Variants in NXPH1 observed in about 807,000 individuals in gnomAD.
NXPH1 encodes neurexophilin 1, also known as neurexophilin-1.
NXPH1 carries 5 observed loss-of-function variants against 23.7 expected under a neutral mutation model. The observed-to-expected ratio is 0.21, with a 90% confidence interval of 0.11 to 0.44. The LOEUF (loss-of-function observed/expected upper bound fraction) is 0.44, where lower values mean the gene tolerates loss of function less well. NXPH1 is among the 20% of genes least tolerant of loss of function. The pLI is 0.99. For synonymous variants in NXPH1, 144 were observed against 122.2 expected, an observed-to-expected ratio of 1.18 and a Z score of -1.18; for missense variants, 324 against 321.6, an observed-to-expected ratio of 1.01 and a Z score of -0.06.
chr7:8,596,102 A>T (rs567740777), intron 2 of NXPH1, among the ~76,000 whole-genome samples: 2 of 151,752 alleles, frequency 1.3e-5, no homozygotes, highest in Non-Finnish European at 2.9e-5. Context: ...TTTCCTGGGG[A>T]TTTTGCATTA....
chr7:8,438,747 C>T (rs1219605938), intron 2 of NXPH1, among the ~76,000 whole-genome samples: 1 of 152,248 alleles, frequency 6.6e-6, no homozygotes. Flanking sequence ...CACCAAGCCA[C>T]AGTTTCCTAC....
chr7:8,582,661 GT>G (rs1216861152), intron 2 of NXPH1, among the ~76,000 whole-genome samples: 1 of 152,150 alleles, frequency 6.6e-6, no homozygotes, highest in African/African-American at 2.4e-5. Context: ...TGTCTAGGGG[GT>G]TTTTATGGGC....
intron 2 of NXPH1, among the ~76,000 whole-genome samples, chr7:8,473,818 C>A (rs1222272783): frequency 6.6e-6 from 1 of 151,854 alleles, no homozygotes. Flanking sequence ...AATTTCACAG[C>A]CCAATTTGAC....
At chr7:8,471,901 C>T (rs142682308) in intron 2 of NXPH1, among the ~76,000 whole-genome samples, 64 of 151,946 alleles carry the variant, frequency 4.2e-4, no homozygotes, top group Admixed American at 1.1e-3. Flanking sequence ...ATGGTGTTTA[C>T]CATAAAGCTA....
intron 2 of NXPH1, among the ~76,000 whole-genome samples, chr7:8,646,766 C>T (rs1405320918): frequency 1.3e-5 from 2 of 152,186 alleles, no homozygotes; most frequent in African/African-American, 4.8e-5. Context: ...GGACCCCAAA[C>T]AGTCCCTCTA....
intron 2 of NXPH1, among the ~76,000 whole-genome samples, chr7:8,737,746 C>T (rs1329656301): frequency 2.0e-5 from 3 of 152,192 alleles, no homozygotes; most frequent in African/African-American, 7.2e-5. Context: ...TGTTTCCATT[C>T]TCTCTGTCAC....
intron 2 of NXPH1, among the ~76,000 whole-genome samples, chr7:8,546,313 G>C (rs1409392175): frequency 6.6e-6 from 1 of 151,410 alleles, no homozygotes; most frequent in Admixed American, 6.6e-5. Flanking sequence ...CAAATATGGA[G>C]GAAAGTATGT....
intron 2 of NXPH1, among the ~76,000 whole-genome samples, chr7:8,665,281 C>A (rs1213882718): frequency 1.3e-5 from 2 of 152,076 alleles, no homozygotes; most frequent in Non-Finnish European, 2.9e-5. Context: ...AAGGGCTGTC[C>A]TTTCCCCATT....
chr7:8,561,564 A>T (rs1818446741), intron 2 of NXPH1, among the ~76,000 whole-genome samples: 1 of 151,668 alleles, frequency 6.6e-6, no homozygotes, highest in South Asian at 2.1e-4. Flanking sequence ...CAAGATTATA[A>T]AATGGGTCGA....
intron 2 of NXPH1, among the ~76,000 whole-genome samples, chr7:8,514,307 C>G (rs930828155): frequency 6.6e-6 from 1 of 152,128 alleles, no homozygotes; most frequent in Admixed American, 6.6e-5. Flanking sequence ...CTCTCTCCGA[C>G]ATTTTTAAAG....
At chr7:8,561,634 C>T (rs575392913) in intron 2 of NXPH1, among the ~76,000 whole-genome samples, 1 of 151,572 alleles carries the variant, frequency 6.6e-6, no homozygotes, top group East Asian at 2.0e-4. Context: ...TCTTTTGAGG[C>T]TGACTTTTCT....
chr7:8,706,338 G>T (rs1029130351), intron 2 of NXPH1, among the ~76,000 whole-genome samples: 4 of 152,314 alleles, frequency 2.6e-5, no homozygotes, highest in Admixed American at 2.6e-4. Context: ...AGCAGATTCA[G>T]AAGGCACAAG....
rs541714712 is a variant in NXPH1 at position 8,517,963 on chromosome 7, T to G, written c.54+82196T>G. On this transcript the variant is annotated intron_variant, in intron 2 of 2. Coordinates refer to ENST00000405863, the MANE Select transcript of NXPH1 (RefSeq NM_152745.3). ...GCTTGATGTCCTGAAGCAGTTTCTT[T>G]CCACCACTGCAATATTCATCAAACA... Among the ~76,000 whole-genome samples the G allele has an allele frequency of 2.0e-5, 3 of 152,244 alleles. No individual in the cohort carries two copies. The South Asian group carries it at 6.2e-4, about 32-fold the overall frequency.
intron 2 of NXPH1, among the ~76,000 whole-genome samples, chr7:8,449,455 G>T (rs1816466026): frequency 6.6e-6 from 1 of 152,140 alleles, no homozygotes; most frequent in Non-Finnish European, 1.5e-5. Context: ...TTAACATGGA[G>T]TTTTTTCCAT....
intron 2 of NXPH1, among the ~76,000 whole-genome samples, chr7:8,491,614 A>G (rs1286284768): frequency 1.3e-5 from 2 of 152,018 alleles, no homozygotes; most frequent in Non-Finnish European, 2.9e-5. Context: ...TTCTGATGGT[A>G]TTCATAATGT....
chr7:8,503,936 C>T (rs556950644), intron 2 of NXPH1, among the ~76,000 whole-genome samples: 11 of 152,114 alleles, frequency 7.2e-5, no homozygotes, highest in African/African-American at 2.4e-4. Flanking sequence ...CCTGCAAAGC[C>T]ATCTACATTG....
chr7:8,503,996 G>C (rs998022732), intron 2 of NXPH1, among the ~76,000 whole-genome samples: 1 of 151,950 alleles, frequency 6.6e-6, no homozygotes, highest in African/African-American at 2.4e-5. Context: ...TCTTCTACTA[G>C]TGCCTATTCT....
chr7:8,664,190 T>C (rs1314444604), intron 2 of NXPH1, among the ~76,000 whole-genome samples: 1 of 152,086 alleles, frequency 6.6e-6, no homozygotes, highest in East Asian at 1.9e-4. Flanking sequence ...TTATCCCATC[T>C]CCTCCCTCAA....
intron 2 of NXPH1, among the ~76,000 whole-genome samples, chr7:8,654,663 C>A (rs1331265662): frequency 6.6e-6 from 1 of 152,122 alleles, no homozygotes; most frequent in Non-Finnish European, 1.5e-5. Flanking sequence ...TTATCTCCTC[C>A]AGTCTTTGCA....
Sources: allele counts gnomAD v4.1 joint callset (sites outside exome capture counted in the v4.1 genomes callset), GRCh38; gene constraint gnomAD v4.1.1; transcripts MANE v1.5; gene names NCBI Gene and HGNC (gene_info 2026-07-23, HGNC 2026-07-21).